Variants in DMC1 observed in about 807,000 individuals in gnomAD.
The protein encoded by DMC1 is DNA meiotic recombinase 1.
A neutral mutation model predicts 50.1 loss-of-function variants in DMC1; 27 were observed. The observed-to-expected ratio is 0.54, with a 90% CI of 0.40 to 0.74. The LOEUF is 0.74. DMC1 is among the 30% of genes least tolerant of loss of function. DMC1 has a pLI of 0.00. For synonymous variants in DMC1, 148 were observed against 136.1 expected (o/e 1.09, Z -0.61); for missense variants, 295 against 420.2 (o/e 0.70, Z 2.60).
intron 5 of DMC1, among the ~76,000 whole-genome samples, chr22:38,556,501 T>G (rs1338997319): frequency 6.6e-6 from 1 of 152,234 alleles, no homozygotes; most frequent in Admixed American, 6.5e-5. Context: ...ATGGAGGACA[T>G]GTCAGAATAG....
intron 11 of DMC1, 33 bp from the exon 12 acceptor site, chr22:38,537,685 G>GA (rs1250531239): frequency 6.6e-7 from 1 of 1,524,878 alleles, no homozygotes; most frequent in Non-Finnish European, 9.1e-7. Flanking sequence ...AAAACTATGA[G>GA]AAAGGCAATA....
At chr22:38,528,657 T>C (rs371240964) in intron 12 of DMC1, among the ~76,000 whole-genome samples, 20 of 152,080 alleles carry the variant, frequency 1.3e-4, no homozygotes, top group East Asian at 1.2e-3. Context: ...TGTGGTGGCA[T>C]GTGCCTGGTT....
intron 8 of DMC1, among the ~76,000 whole-genome samples, chr22:38,543,883 A>C (rs997526232): frequency 6.6e-6 from 1 of 152,094 alleles, no homozygotes; most frequent in African/African-American, 2.4e-5. Context: ...GCTCTCTTTA[A>C]AATAGCCAGT....
Position 38,519,471 on chromosome 22 carries a change from ATAT to A in DMC1, c.*546_*548del, listed in dbSNP as rs1487580657. 1.3e-5 allele frequency: 2 copies of A among 154,376 alleles called. No individual in the cohort carries two copies. Among genetic ancestry groups the A allele is most frequent in the African/African-American group, 4.8e-5 (2 of 41,444 alleles). The allele number at this position is 154,376 out of a possible 1,614,324, so 9.6% of individuals were successfully genotyped here. A position where few individuals can be genotyped will look rare whatever the true frequency, so the allele number is the denominator to read the frequency against. Reference sequence around the variant, plus strand: ...GCTATAAAGGTGAATATGCAGTTTGATATTATAAATAGAAAGAGCTTTTGTGTG... The same window carrying A: ...GCTATAAAGGTGAATATGCAGTTTGATATAAATAGAAAGAGCTTTTGTGTG... On this transcript the variant is annotated 3_prime_UTR_variant, in exon 14 of 14. Coordinates refer to ENST00000216024, the MANE Select transcript of DMC1 (RefSeq NM_007068.4).
chr22:38,547,090 C>T (rs995225280), intron 8 of DMC1, among the ~76,000 whole-genome samples: 1 of 152,158 alleles, frequency 6.6e-6, no homozygotes, highest in Admixed American at 6.6e-5. Flanking sequence ...TTGGTAGAGA[C>T]AGAGTCTTGC....
At chr22:38,520,444 G>A (rs1277185766) in intron 13 of DMC1, among the ~76,000 whole-genome samples, 1 of 151,238 alleles carries the variant, frequency 6.6e-6, no homozygotes, top group Non-Finnish European at 1.5e-5. Flanking sequence ...TGCAACCTCT[G>A]CCTCCTGGGT....
At chr22:38,532,077 C>A (rs957405160) in intron 12 of DMC1, among the ~76,000 whole-genome samples, 2 of 152,118 alleles carry the variant, frequency 1.3e-5, no homozygotes, top group Admixed American at 1.3e-4. Flanking sequence ...TATTTGAATG[C>A]AACCCACTTC....
chr22:38,537,661 A>G lies in DMC1; in HGVS notation c.776-9T>C, dbSNP rs2090230134. The G allele has an allele frequency of 6.2e-7, 1 of 1,612,576 alleles. No individual in the cohort carries two copies. Among genetic ancestry groups the G allele is most frequent in the African/African-American group, 1.3e-5 (1 of 74,902 alleles). ...AACAGCCACGTTATATTCTGCATCAAGAGATAAAATTTTAAAACTATGAGA... is the reference window on the plus strand; with the variant it reads ...AACAGCCACGTTATATTCTGCATCAGGAGATAAAATTTTAAAACTATGAGA... On this transcript the variant is annotated splice_polypyrimidine_tract_variant and intron_variant, in intron 11 of 13. Transcript: ENST00000216024.
At chr22:38,527,151 T>A (rs990557255) in intron 12 of DMC1, among the ~76,000 whole-genome samples, 5 of 151,874 alleles carry the variant, frequency 3.3e-5, no homozygotes, top group Admixed American at 3.3e-4. Context: ...TCTGTCTGGC[T>A]TTTTAGCCAT....
intron 8 of DMC1, among the ~76,000 whole-genome samples, chr22:38,547,592 G>A (rs1452126107): frequency 1.3e-5 from 2 of 151,824 alleles, no homozygotes; most frequent in Admixed American, 6.6e-5. Context: ...CCAGGCTGGA[G>A]TGCAATGGCA....
At chr22:38,537,690 G>C in intron 11 of DMC1, 38 bp from the exon 12 acceptor site, 1 of 1,482,932 alleles carries the variant, frequency 6.7e-7, no homozygotes, top group Non-Finnish European at 9.4e-7. Context: ...TATGAGAAAG[G>C]CAATATAGAT....
chr22:38,540,501 T>C lies in DMC1; in HGVS notation c.495-1089A>G, dbSNP rs186705142. ...TAGGTCTTTGGTGATCCCAACAATATGTCTGAAGTAAAATGAGGTAAAATT... is the reference window on the plus strand; with the variant it reads ...TAGGTCTTTGGTGATCCCAACAATACGTCTGAAGTAAAATGAGGTAAAATT... On this transcript the variant is annotated intron_variant, in intron 8 of 13. Coordinates refer to ENST00000216024, the MANE Select transcript of DMC1 (RefSeq NM_007068.4). Among the ~76,000 whole-genome samples the C allele has an allele frequency of 2.6e-3, 402 of 152,340 alleles. 5 individuals carry two copies. Among genetic ancestry groups the C allele is most frequent in the Middle Eastern group, 0.014 (4 of 294 alleles).
chr22:38,568,400 G>C, intron 1 of DMC1, 111 bp from the exon 2 acceptor site: 1 of 771,350 alleles, frequency 1.3e-6, no homozygotes, highest in Non-Finnish European at 2.2e-6. Flanking sequence ...ATTTAGCTTG[G>C]AAAGATGAGG....
chr22:38,560,325 C>G (rs2090513566), intron 5 of DMC1, among the ~76,000 whole-genome samples: 1 of 152,012 alleles, frequency 6.6e-6, no homozygotes, highest in Non-Finnish European at 1.5e-5. Context: ...CTGACATATT[C>G]TGGGAATAGC....
At chr22:38,537,727 A>T in intron 11 of DMC1, 75 bp from the exon 12 acceptor site, 1 of 1,163,770 alleles carries the variant, frequency 8.6e-7, no homozygotes. Flanking sequence ...TTTAGATTTC[A>T]GAGTTTAGAC....
intron 9 of DMC1, 31 bp downstream of exon 9, chr22:38,539,290 A>AC: frequency 6.6e-7 from 1 of 1,504,098 alleles, no homozygotes; most frequent in Non-Finnish European, 9.3e-7. Flanking sequence ...CCTTACATTG[A>AC]CCCAAGCATC....
chr22:38,525,321 T>A (rs977716480), intron 12 of DMC1, among the ~76,000 whole-genome samples: 3 of 152,150 alleles, frequency 2.0e-5, no homozygotes, highest in African/African-American at 7.2e-5. Flanking sequence ...AGGGAACTTT[T>A]GAAGAGTGTT....
chr22:38,562,398 A>G, intron 4 of DMC1, 29 bp from the exon 5 acceptor site: 2 of 1,435,924 alleles, frequency 1.4e-6, no homozygotes, highest in Non-Finnish European at 2.0e-6. Flanking sequence ...AAATGTTCAA[A>G]AAGAGTTTAA....
intron 8 of DMC1, among the ~76,000 whole-genome samples, chr22:38,540,534 T>C (rs2090269158): frequency 6.6e-6 from 1 of 152,242 alleles, no homozygotes; most frequent in African/African-American, 2.4e-5. Context: ...ATTAAATGCA[T>C]GTTTGTAACC....
Sources: gnomAD v4.1 joint callset for allele counts (sites outside exome capture counted in the v4.1 genomes callset) on GRCh38, gnomAD v4.1.1 for gene constraint, MANE v1.5 for transcripts, NCBI Gene and HGNC (gene_info 2026-07-23, HGNC 2026-07-21) for gene names.